HIF1A: variants seen among roughly 807,000 people sequenced by gnomAD.
HIF1A encodes hypoxia inducible factor 1 subunit alpha.
A neutral mutation model predicts 92.7 loss-of-function variants in HIF1A; 24 were observed. That is an observed-to-expected ratio of 0.26 (90% CI 0.19 to 0.36). The LOEUF (loss-of-function observed/expected upper bound fraction) is 0.36, where lower values mean the gene tolerates loss of function less well. Among genes scored for constraint, HIF1A ranks in the 10% least tolerant of loss-of-function variants. HIF1A has a pLI of 1.00. For synonymous variants in HIF1A, 319 were observed against 338.7 expected (o/e 0.94, Z 0.64); for missense variants, 799 against 998.5 (o/e 0.80, Z 2.69).
chr14:61,725,526 C>T (rs1408200510), intron 4 of HIF1A, among the ~76,000 whole-genome samples: 4 of 151,612 alleles, frequency 2.6e-5, no homozygotes, highest in Non-Finnish European at 4.4e-5. Context: ...GTGATTCTCA[C>T]GCCTCAACCT....
At chr14:61,695,991 C>A in intron 1 of HIF1A, 152 bp downstream of exon 1, 1 of 701,842 alleles carries the variant, frequency 1.4e-6, no homozygotes, top group East Asian at 3.0e-5. Context: ...CTTCCCCCAA[C>A]CTCGCCGGCC....
Position 61,732,403 on chromosome 14 carries a change from AT to A in HIF1A, c.774-9del. On this transcript the variant is annotated splice_polypyrimidine_tract_variant and intron_variant, in intron 6 of 14. Coordinates refer to ENST00000337138, the MANE Select transcript of HIF1A (RefSeq NM_001530.4). Reference sequence around the variant, plus strand: ...CTCCCTTTTTTTTCTTAAATCTTGTATTTTTTACTAACAGAATTACCGAATT... The same window carrying A: ...CTCCCTTTTTTTTCTTAAATCTTGTATTTTTACTAACAGAATTACCGAATT... 1 of 1,553,558 alleles carries A rather than the reference AT, an allele frequency of 6.4e-7. No homozygotes were observed. Among genetic ancestry groups the A allele is most frequent in the Non-Finnish European group, 8.8e-7 (1 of 1,130,636 alleles).
rs1594886218 is a variant in HIF1A, at chr14:61,740,501, A to G, written c.1537-4A>G. On this transcript the variant is annotated splice_polypyrimidine_tract_variant and splice_region_variant and intron_variant, in intron 10 of 14. Coordinates refer to ENST00000337138, the MANE Select transcript of HIF1A (RefSeq NM_001530.4). ...GGAAATAGTAAACATATTTCTTTTT[A>G]CAGCCTAATAGTCCCAGTGAATATT... 2.6e-6 allele frequency: 4 copies of G among 1,554,292 alleles called. No individual in the cohort carries two copies. Among genetic ancestry groups the G allele is most frequent in the East Asian group, 4.5e-5 (2 of 44,414 alleles).
chr14:61,707,559 T>C (rs1047914260), intron 1 of HIF1A, among the ~76,000 whole-genome samples: 4 of 152,068 alleles, frequency 2.6e-5, no homozygotes, highest in African/African-American at 9.7e-5. Context: ...ACGCGGTGTT[T>C]GGTTTTTTGT....
chr14:61,715,141 T>G (rs952776284), intron 1 of HIF1A, among the ~76,000 whole-genome samples: 4 of 152,188 alleles, frequency 2.6e-5, no homozygotes, highest in African/African-American at 9.7e-5. Flanking sequence ...ACAAATAAAG[T>G]CTACTGGGAG....
At chr14:61,710,943 C>G (rs1272172051) in intron 1 of HIF1A, among the ~76,000 whole-genome samples, 1 of 151,430 alleles carries the variant, frequency 6.6e-6, no homozygotes, top group Non-Finnish European at 1.5e-5. Context: ...GCCTGTAACC[C>G]CAGCTACTCA....
At chr14:61,741,779 A>C (rs2044715169) in intron 12 of HIF1A, among the ~76,000 whole-genome samples, 1 of 152,198 alleles carries the variant, frequency 6.6e-6, no homozygotes, top group Admixed American at 6.5e-5. Flanking sequence ...GTGTTTACAG[A>C]ACTTGTTTAA....
chr14:61,736,268 C>T (rs925491108), intron 8 of HIF1A, among the ~76,000 whole-genome samples: 6 of 152,168 alleles, frequency 3.9e-5, no homozygotes, highest in Non-Finnish European at 7.4e-5. Flanking sequence ...TGAGCCACCA[C>T]GCCCAGCCTG....
At chr14:61,732,044 G>A (rs1057138620) in intron 6 of HIF1A, among the ~76,000 whole-genome samples, 1 of 152,188 alleles carries the variant, frequency 6.6e-6, no homozygotes, top group Non-Finnish European at 1.5e-5. Context: ...GCTGAGGCAG[G>A]GGAATCGCTT....
chr14:61,716,739 C>G (rs2044368934), intron 1 of HIF1A, among the ~76,000 whole-genome samples: 3 of 152,116 alleles, frequency 2.0e-5, no homozygotes, highest in African/African-American at 7.2e-5. Flanking sequence ...AAGACGGGCT[C>G]AAAATTATTT....
chr14:61,695,954 G>GT, intron 1 of HIF1A, 115 bp downstream of exon 1: 3 of 941,206 alleles, frequency 3.2e-6, no homozygotes, highest in Non-Finnish European at 4.8e-6. Context: ...CAGCCTTTTT[G>GT]TTTCTGCTGC....
chr14:61,746,414 T>TTTTTG (rs2044790239), intron 14 of HIF1A, among the ~76,000 whole-genome samples: 1 of 147,474 alleles, frequency 6.8e-6, no homozygotes, highest in African/African-American at 2.5e-5. Context: ...TTTTTTTTTT[T>TTTTTG]GAGACAGGGT....
intron 1 of HIF1A, among the ~76,000 whole-genome samples, chr14:61,702,439 CAAAA>C (rs149442775): frequency 1.3e-5 from 1 of 78,792 alleles, no homozygotes; most frequent in Non-Finnish European, 2.7e-5. Context: ...ATGCTGTCTC[CAAAA>C]AAAAAAAAAA....
intron 8 of HIF1A, among the ~76,000 whole-genome samples, chr14:61,735,785 AG>A (rs1333423926): frequency 6.6e-6 from 1 of 152,166 alleles, no homozygotes. Flanking sequence ...CCCCTCTCTT[AG>A]AAAGATCTTA....
chr14:61,725,421 A>AT (rs67173331), intron 4 of HIF1A, among the ~76,000 whole-genome samples: 40 of 150,500 alleles, frequency 2.7e-4, no homozygotes, highest in Non-Finnish European at 3.6e-4. Flanking sequence ...ATTTTTTTTA[A>AT]TTTTTTTTTT....
intron 9 of HIF1A, 55 bp from the exon 10 acceptor site, chr14:61,738,032 A>T: frequency 4.0e-6 from 3 of 751,298 alleles, no homozygotes; most frequent in South Asian, 3.4e-5. Flanking sequence ...GTCTTGGGTA[A>T]AAAAAAAAAA....
rs191419784 is a variant in HIF1A, at chr14:61,696,794, C to T, written c.35+955C>T. ...AAATTTTCGAACTCTGTCTCATTTT[C>T]CTGAAATTGAAGTATATTAAAGGAA... On this transcript the variant is annotated intron_variant, in intron 1 of 14. Coordinates refer to ENST00000337138, the MANE Select transcript of HIF1A (RefSeq NM_001530.4). Among the ~76,000 whole-genome samples, 390 of 152,178 alleles carry T rather than the reference C, an allele frequency of 2.6e-3. 2 individuals are homozygous for T. The highest frequency in any genetic ancestry group is 4.1e-3 in the Non-Finnish European group (282 of 68,002).
chr14:61,744,776 T>A lies in HIF1A; in HGVS notation c.2165T>A (p.Met722Lys). ...ALQNAQRKRK[M>K]EHDGSLFQAV... ...CAGAATGCTCAGAGAAAGCGAAAAA[T>A]GGAACATGATGGTTCACTTTTTCAA... Residue 722 changes from methionine to lysine, a missense_variant, in exon 13 of 15, where the codon ATG (methionine) becomes AAG (lysine). Transcript: ENST00000337138. 6.3e-7 allele frequency: 1 copy of A among 1,594,688 alleles called. No homozygotes were observed. Among genetic ancestry groups the A allele is most frequent in the Non-Finnish European group, 8.6e-7 (1 of 1,165,344 alleles).
intron 1 of HIF1A, among the ~76,000 whole-genome samples, chr14:61,708,843 TCATCTTAGAGTAAAAACTTTA>T: frequency 6.6e-6 from 1 of 152,334 alleles, no homozygotes; most frequent in Non-Finnish European, 1.5e-5. Context: ...TTGAGAACCT[TCATCTTAGAGTAAAAACTTTA>T]CATACACATT....
Sources: allele counts gnomAD v4.1 joint callset (sites outside exome capture counted in the v4.1 genomes callset), GRCh38; gene constraint gnomAD v4.1.1; transcripts MANE v1.5; gene names NCBI Gene and HGNC (gene_info 2026-07-23, HGNC 2026-07-21).